ARHGAP1: variants seen among roughly 807,000 people sequenced by gnomAD.
ARHGAP1 encodes rho GTPase-activating protein 1.
Under a neutral mutation model 52.2 loss-of-function variants are expected in ARHGAP1, and 23 were observed. That is an observed-to-expected ratio of 0.44 (90% CI 0.32 to 0.62). ARHGAP1 has a LOEUF of 0.62. ARHGAP1 is among the 20% of genes least tolerant of loss of function. The probability of loss-of-function intolerance (pLI) is 0.05; values close to 1 mark genes in which losing one functional copy is unlikely to be tolerated. For missense variants in ARHGAP1, 480 were observed against 560.9 expected (o/e 0.86, Z 1.46); for synonymous variants, 210 against 228.4 (o/e 0.92, Z 0.73).
chr11:46,682,616 G>A (rs1051976877), intron 4 of ARHGAP1, among the ~76,000 whole-genome samples: 6 of 152,134 alleles, frequency 3.9e-5, no homozygotes, highest in East Asian at 3.9e-4. Context: ...CCCAGGAGGC[G>A]GAGGTTTCAG....
intron 1 of ARHGAP1, chr11:46,697,697 C>T (rs1170212859): frequency 6.6e-6 from 1 of 152,376 alleles, no homozygotes; most frequent in East Asian, 1.9e-4. Context: ...CAAAAAAACC[C>T]TCTTCTTCCT....
In ARHGAP1 at chr11:46,688,276, G is replaced by A. The variant is rs759942067; in HGVS notation, c.230-16C>T. 7 of 1,609,862 alleles carry A rather than the reference G, an allele frequency of 4.3e-6. No individual in the cohort carries two copies. The Admixed American group carries it at 1.2e-4, about 27-fold the overall frequency. ...TTGTCATCTCCTAGGTGTGGAGAAA[G>A]ATGGAGCACAGTGGGTTGAAGGGGA... On this transcript the variant is annotated splice_polypyrimidine_tract_variant and intron_variant, in intron 3 of 12. Transcript: ENST00000311956.
At chr11:46,687,629 A>G (rs2064581077) in intron 4 of ARHGAP1, 1 of 152,552 alleles carries the variant, frequency 6.6e-6, no homozygotes, top group East Asian at 1.9e-4. Flanking sequence ...ACCATAAATG[A>G]GTCTTTCAAG....
intron 1 of ARHGAP1, among the ~76,000 whole-genome samples, chr11:46,699,987 T>A (rs908997314): frequency 5.3e-5 from 8 of 151,740 alleles, no homozygotes; most frequent in Admixed American, 6.6e-5. Flanking sequence ...CTGGCCAACA[T>A]GGTGAAACCC....
chr11:46,693,198 G>A (rs905368772), intron 3 of ARHGAP1, among the ~76,000 whole-genome samples: 19 of 151,570 alleles, frequency 1.3e-4, no homozygotes, highest in African/African-American at 3.9e-4. Context: ...GGGTTTCTCC[G>A]TGTTCATCAG....
Position 46,679,460 on chromosome 11 carries a change from C to T in ARHGAP1, c.1036G>A (p.Glu346Lys), listed in dbSNP as rs778600249. Residue 346 changes from glutamate to lysine, a missense_variant, in exon 12 of 13, where the codon GAA becomes AAA. Physicochemically the swap from Glu to Lys is moderately conservative, Grantham distance 56. Coordinates refer to ENST00000311956, the MANE Select transcript of ARHGAP1 (RefSeq NM_004308.5). This position sits in a 1 kb window ranked among gnomAD's most constrained non-coding sequence, Gnocchi z 4.4. ...AGTGTCGCTGGCACCCTCTGGCTTTCATCAATGTCTATGAGGAAAGGAGGC... is the reference window on the plus strand; with the variant it reads ...AGTGTCGCTGGCACCCTCTGGCTTTTATCAATGTCTATGAGGAAAGGAGGC... Reference protein sequence around the residue: ...PHVVGFLNIDESQRVPATLQV... With the variant: ...PHVVGFLNIDKSQRVPATLQV... 2 of 1,614,106 alleles carry T rather than the reference C, an allele frequency of 1.2e-6. No homozygotes were observed. The highest frequency in any genetic ancestry group is 1.7e-6 in the Non-Finnish European group (2 of 1,180,002).
At chr11:46,692,124 G>T (rs561735724) in intron 3 of ARHGAP1, among the ~76,000 whole-genome samples, 1 of 152,188 alleles carries the variant, frequency 6.6e-6, no homozygotes, top group Non-Finnish European at 1.5e-5. Flanking sequence ...AGGCCAGCTG[G>T]GGGTGGCTCT....
chr11:46,678,731 A>G lies in ARHGAP1; in HGVS notation c.*306T>C, dbSNP rs1012221532. ...CACTTGCTAGGGAAACAGAGGCAGG[A>G]AAAAGCAGGAAAGGGGTTACTGGGG... is the stretch of plus-strand genomic sequence containing the variant. On this transcript the variant is annotated 3_prime_UTR_variant, in exon 13 of 13. Transcript: ENST00000311956. The G allele has an allele frequency of 2.8e-6, 1 of 359,198 alleles. No individual in the cohort carries two copies. The highest frequency in any genetic ancestry group is 5.1e-6 in the Non-Finnish European group (1 of 196,266). The allele number at this position is 359,198 out of a possible 1,614,324, so 22.3% of individuals were successfully genotyped here.
In ARHGAP1 at chr11:46,696,260, C is replaced by A. The variant is rs1369984453; in HGVS notation, c.-49-104G>T. 6 of 749,804 alleles carry A rather than the reference C, an allele frequency of 8.0e-6. No homozygotes were observed. The highest frequency in any genetic ancestry group is 1.3e-5 in the Non-Finnish European group (6 of 471,752). The allele number at this position is 749,804 out of a possible 1,614,324, so 46.4% of individuals were successfully genotyped here. A position where few individuals can be genotyped will look rare whatever the true frequency, so the allele number is the denominator to read the frequency against. ...CCCCCACCATTCCCTCTCCCAGGCT[C>A]CCTGTCCCTATTCCTCAACACTCCT... is the stretch of plus-strand genomic sequence containing the variant. On this transcript the variant is annotated intron_variant, in intron 1 of 12. Transcript: ENST00000311956. This position sits in a 1 kb window ranked among gnomAD's most constrained non-coding sequence, Gnocchi z 4.8.
At position 46,696,144 on chromosome 11, in the gene ARHGAP1, C is replaced by A. The variant is rs369583971; in HGVS notation, c.-37G>T. The A allele has an allele frequency of 1.6e-3, 2,429 of 1,557,296 alleles. 30 individuals carry two copies. The South Asian group carries it at 0.021, about 14-fold the overall frequency. On this transcript the variant is annotated 5_prime_UTR_variant, in exon 2 of 13. Transcript: ENST00000311956. This position sits in a 1 kb window ranked among gnomAD's most constrained non-coding sequence, Gnocchi z 4.8. Reference sequence around the variant, plus strand: ...TCCCAGACAGCCTTGCCCTGCAGAACCTTAAGAGAAACCTGGGAGAGAGGA... The same window carrying A: ...TCCCAGACAGCCTTGCCCTGCAGAAACTTAAGAGAAACCTGGGAGAGAGGA...
chr11:46,695,890 T>G, intron 2 of ARHGAP1, 85 bp downstream of exon 2: 1 of 1,607,616 alleles, frequency 6.2e-7, no homozygotes, highest in South Asian at 1.1e-5. Flanking sequence ...TGCCCCATCC[T>G]GCCCTCCTGG....
intron 1 of ARHGAP1, among the ~76,000 whole-genome samples, chr11:46,698,324 G>A (rs548528296): frequency 6.6e-6 from 1 of 152,226 alleles, no homozygotes; most frequent in Non-Finnish European, 1.5e-5. Flanking sequence ...AGCCGGGGCC[G>A]GGCACGGTGG....
Position 46,679,520 on chromosome 11 carries a change from G to A in ARHGAP1, c.1028-52C>T. The A allele has an allele frequency of 6.2e-7, 1 of 1,609,622 alleles. No individual in the cohort carries two copies. Among genetic ancestry groups the A allele is most frequent in the South Asian group, 1.1e-5 (1 of 90,846 alleles). ...AGGGGCCCTAGGCTGGGCTGGTTCA[G>A]GACGCTCTGATGCAGGCTAGAGGGG... is the stretch of plus-strand genomic sequence containing the variant. On this transcript the variant is annotated intron_variant, in intron 11 of 12. Coordinates refer to ENST00000311956, the MANE Select transcript of ARHGAP1 (RefSeq NM_004308.5). The surrounding 1 kb of genome is among the most constrained non-coding windows in gnomAD (Gnocchi z 4.4).
chr11:46,687,641 C>T (rs538401041), intron 4 of ARHGAP1: 1 of 152,690 alleles, frequency 6.5e-6, no homozygotes, highest in African/African-American at 2.4e-5. Flanking sequence ...TCTTTCAAGC[C>T]TTGGCATTCA....
In ARHGAP1 at chr11:46,696,185, C is replaced by G; in HGVS notation, c.-49-29G>C. The stretch of plus-strand genomic sequence containing the variant: ...GGAGAGAGGAAGACAGGTGGCAGGT[C>G]AGTGACCTGCTCTTTTCACCTTCTG... On this transcript the variant is annotated intron_variant, in intron 1 of 12. Transcript: ENST00000311956. This position sits in a 1 kb window ranked among gnomAD's most constrained non-coding sequence, Gnocchi z 4.8. The G allele has an allele frequency of 6.8e-7, 1 of 1,480,736 alleles. No homozygotes were observed. Among genetic ancestry groups the G allele is most frequent in the Non-Finnish European group, 9.1e-7 (1 of 1,101,462 alleles). The allele number at this position is 1,480,736 out of a possible 1,614,324, so 91.7% of individuals were successfully genotyped here.
At position 46,680,687 on chromosome 11, in the gene ARHGAP1, G is replaced by A. The variant is rs940447646; in HGVS notation, c.696C>T (p.Pro232=). 5.0e-6 allele frequency: 8 copies of A among 1,602,920 alleles called. No individual in the cohort carries two copies. The highest frequency in any genetic ancestry group is 1.1e-5 in the South Asian group (1 of 89,552). Residue 232 remains proline (P), a synonymous_variant, in exon 8 of 13, where the codon CCC becomes CCT. Transcript: ENST00000311956. This position sits in a 1 kb window ranked among gnomAD's most constrained non-coding sequence, Gnocchi z 5.9. ...GCTGGTTGGGCAGGGGGGGCCGTGG[G>A]GGCATGGGCTTGGGGGCTGTCGCGG... ...KSPATAPKPM[P]PRPPLPNQQF... is the part of the protein sequence containing the mutation.
chr11:46,684,683 A>G (rs1385933621), intron 4 of ARHGAP1, among the ~76,000 whole-genome samples: 1 of 152,248 alleles, frequency 6.6e-6, no homozygotes, highest in Non-Finnish European at 1.5e-5. Context: ...AAATTCACAC[A>G]GTACGCTTAT....
intron 4 of ARHGAP1, among the ~76,000 whole-genome samples, chr11:46,683,942 A>G (rs2064548837): frequency 6.6e-6 from 1 of 152,142 alleles, no homozygotes; most frequent in East Asian, 1.9e-4. Flanking sequence ...GCCCGGCCAT[A>G]GAGCCCTCTT....
intron 1 of ARHGAP1, among the ~76,000 whole-genome samples, chr11:46,699,942 C>A (rs369234233): frequency 6.6e-6 from 1 of 151,236 alleles, no homozygotes; most frequent in African/African-American, 2.4e-5. Context: ...GAGGCGGGGG[C>A]GGGAGGATCA....
Sources: gnomAD v4.1 joint callset for allele counts (sites outside exome capture counted in the v4.1 genomes callset) on GRCh38, gnomAD v4.1.1 for gene constraint, Gnocchi (gnomAD v3.1) non-coding constraint, MANE v1.5 for transcripts, NCBI Gene and HGNC (gene_info 2026-07-23, HGNC 2026-07-21) for gene names.